OR2L13: variants seen among roughly 807,000 people sequenced by gnomAD.
The protein encoded by OR2L13 is olfactory receptor family 2 subfamily L member 13.
A neutral mutation model predicts 15.3 loss-of-function variants in OR2L13; 14 were observed. That is an observed-to-expected ratio of 0.91 (90% CI 0.60 to 1.43). The LOEUF (loss-of-function observed/expected upper bound fraction) is 1.43, where lower values mean the gene tolerates loss of function less well. Ranked by LOEUF, OR2L13 falls within the 40% of genes most tolerant of loss-of-function variation. The pLI is 0.00. For missense variants in OR2L13, 367 were observed against 387.9 expected (o/e 0.95, Z 0.45); for synonymous variants, 152 against 142.9 (o/e 1.06, Z -0.45).
At chr1:248,044,940 C>CTGTTTTGG in the OR2L13 span, among the ~76,000 whole-genome samples, 1 of 151,862 alleles carries the variant, frequency 6.6e-6, no homozygotes, top group African/African-American at 2.4e-5. Context: ...GCAACTCCCA[C>CTGTTTTGG]TGTTTTGGTG....
the OR2L13 span, among the ~76,000 whole-genome samples, chr1:248,036,549 G>T: frequency 3.2e-4 from 49 of 152,148 alleles, no homozygotes; most frequent in East Asian, 6.0e-3. Flanking sequence ...TGTGTGTATA[G>T]ATGTGAGTTT....
chr1:248,006,714 T>C, the OR2L13 span, among the ~76,000 whole-genome samples: 1 of 152,052 alleles, frequency 6.6e-6, no homozygotes, highest in Non-Finnish European at 1.5e-5. Flanking sequence ...AGCACCCTCT[T>C]GAGTAAGATT....
chr1:248,097,933 A>G (rs1355030212), intron 1 of OR2L13, among the ~76,000 whole-genome samples: 1 of 152,224 alleles, frequency 6.6e-6, no homozygotes, highest in East Asian at 1.9e-4. Flanking sequence ...TGCCTCACTC[A>G]GTGACTACTG....
the OR2L13 span, among the ~76,000 whole-genome samples, chr1:248,016,919 G>A: frequency 2.0e-5 from 3 of 152,084 alleles, no homozygotes; most frequent in African/African-American, 7.2e-5. Context: ...TGAAGAGCTT[G>A]TTATTAGGAT....
At chr1:247,976,262 C>T in the OR2L13 span, among the ~76,000 whole-genome samples, 1 of 152,162 alleles carries the variant, frequency 6.6e-6, no homozygotes, top group Non-Finnish European at 1.5e-5. Context: ...ACAACACACT[C>T]AATTTCTGCC....
the OR2L13 span, among the ~76,000 whole-genome samples, chr1:248,080,542 C>T: frequency 6.6e-6 from 1 of 152,110 alleles, no homozygotes; most frequent in Non-Finnish European, 1.5e-5. Flanking sequence ...GTTTTCTGTT[C>T]CTGTGTTAGT....
the OR2L13 span, among the ~76,000 whole-genome samples, chr1:248,034,652 T>A: frequency 6.6e-6 from 1 of 152,240 alleles, no homozygotes; most frequent in Admixed American, 6.5e-5. Flanking sequence ...ATTGTTCTAA[T>A]CAGCATTTTG....
the OR2L13 span, among the ~76,000 whole-genome samples, chr1:248,051,697 A>G: frequency 4.6e-5 from 7 of 152,196 alleles, no homozygotes; most frequent in Non-Finnish European, 1.0e-4. Flanking sequence ...CAACATATCC[A>G]TGTAACAAAC....
chr1:248,072,077 C>T, the OR2L13 span, among the ~76,000 whole-genome samples: 1 of 151,458 alleles, frequency 6.6e-6, no homozygotes, highest in African/African-American at 2.4e-5. Flanking sequence ...GATTCAATGC[C>T]ATCCCCATCA....
the OR2L13 span, among the ~76,000 whole-genome samples, chr1:248,087,945 T>C: frequency 6.6e-6 from 1 of 152,324 alleles, no homozygotes; most frequent in Non-Finnish European, 1.5e-5. Flanking sequence ...TCTGAAATTG[T>C]ATCATGAAAA....
At chr1:247,990,134 A>T in the OR2L13 span, 1,279 of 457,490 alleles carry the variant, frequency 2.8e-3, 11 homozygotes, top group African/African-American at 0.022. Context: ...AATAGTGTAT[A>T]TAGGGTTCAG....
the OR2L13 span, among the ~76,000 whole-genome samples, chr1:247,961,123 T>G: frequency 1.3e-5 from 2 of 152,148 alleles, no homozygotes; most frequent in East Asian, 3.9e-4. Flanking sequence ...AAAAGAAACA[T>G]TTTTAAAAAT....
At chr1:247,980,383 T>C in the OR2L13 span, among the ~76,000 whole-genome samples, 5 of 152,208 alleles carry the variant, frequency 3.3e-5, no homozygotes, top group African/African-American at 9.6e-5. Flanking sequence ...TCCACTTTTA[T>C]GTTCTAAAAC....
chr1:248,023,031 T>G, the OR2L13 span: 1 of 726,094 alleles, frequency 1.4e-6, no homozygotes, highest in Non-Finnish European at 2.2e-6. Flanking sequence ...CTTGACATTA[T>G]AGTTGCATAT....
chr1:247,993,881 G>T, the OR2L13 span, among the ~76,000 whole-genome samples: 1 of 151,882 alleles, frequency 6.6e-6, no homozygotes, highest in Non-Finnish European at 1.5e-5. Context: ...ACATGCATTG[G>T]TACCTGTGGG....
chr1:247,966,302 T>C, the OR2L13 span: 2 of 1,613,470 alleles, frequency 1.2e-6, no homozygotes, highest in East Asian at 2.2e-5. Flanking sequence ...GGATATTGGA[T>C]ATGCTGTAGA....
the OR2L13 span, chr1:247,965,517 C>A: frequency 5.0e-6 from 8 of 1,613,174 alleles, no homozygotes; most frequent in South Asian, 1.1e-5. Flanking sequence ...TGCTGATCCA[C>A]CTCATTCGAC....
upstream of OR2L13, among the ~76,000 whole-genome samples, chr1:248,095,607 CTT>C (rs780686820): frequency 4.3e-3 from 159 of 37,310 alleles, 20 homozygotes; most frequent in African/African-American, 0.011. Context: ...AAAGCTGCTG[CTT>C]TTTTTTTTTT....
At chr1:247,943,867 A>G in the OR2L13 span, among the ~76,000 whole-genome samples, 1 of 152,134 alleles carries the variant, frequency 6.6e-6, no homozygotes, top group African/African-American at 2.4e-5. Flanking sequence ...TCTATATACT[A>G]TAAAGTAAAC....
Sources: allele counts gnomAD v4.1 joint callset (sites outside exome capture counted in the v4.1 genomes callset), GRCh38; gene constraint gnomAD v4.1.1; transcripts MANE v1.5; gene names NCBI Gene and HGNC (gene_info 2026-07-23, HGNC 2026-07-21).